ROBO2: variants seen among roughly 807,000 people sequenced by gnomAD.
ROBO2 encodes roundabout homolog 2.
In ROBO2, 53 loss-of-function variants were observed where a neutral mutation model predicts 160.8. That is an observed-to-expected ratio of 0.33 (90% CI 0.26 to 0.41). The LOEUF (loss-of-function observed/expected upper bound fraction) is 0.41. Among genes scored for constraint, ROBO2 ranks in the 10% least tolerant of loss-of-function variants. The pLI is 1.00. For missense variants in ROBO2, 1,577 were observed against 1,722.4 expected (o/e 0.92, Z 1.49); for synonymous variants, 664 against 611.7 (o/e 1.09, Z -1.26).
chr3:76,131,644 C>T (rs527262135), intron 2 of ROBO2, among the ~76,000 whole-genome samples: 49 of 152,056 alleles, frequency 3.2e-4, no homozygotes, highest in Non-Finnish European at 6.5e-4. Context: ...AAAGAGAATA[C>T]AAGCAGAGCA....
chr3:76,686,105 C>A (rs1266999671), intron 2 of ROBO2, among the ~76,000 whole-genome samples: 1 of 152,044 alleles, frequency 6.6e-6, no homozygotes, highest in Non-Finnish European at 1.5e-5. Context: ...AAAGGGCCAT[C>A]CCTTTGATCT....
chr3:77,355,490 T>C (rs1022250074), intron 2 of ROBO2, among the ~76,000 whole-genome samples: 5 of 152,176 alleles, frequency 3.3e-5, no homozygotes, highest in East Asian at 1.9e-4. Flanking sequence ...GAAGAGGTGA[T>C]TGTAGCAGGT....
chr3:77,522,636 C>A, intron 5 of ROBO2, 139 bp from the exon 6 acceptor site: 2 of 805,104 alleles, frequency 2.5e-6, no homozygotes, highest in South Asian at 3.3e-5. Context: ...TAAGTAATTG[C>A]ACTTTGTGGC....
chr3:76,374,850 A>C (rs564883303), intron 2 of ROBO2, among the ~76,000 whole-genome samples: 1 of 151,916 alleles, frequency 6.6e-6, no homozygotes, highest in Non-Finnish European at 1.5e-5. Context: ...GGATAATAAT[A>C]GTTCATTTCT....
chr3:76,731,009 C>CGCTTGTCCTCACCTCCTACTCCCTACCT (rs1560460278), intron 2 of ROBO2, among the ~76,000 whole-genome samples: 2 of 68,144 alleles, frequency 2.9e-5, no homozygotes, highest in Non-Finnish European at 7.7e-5. Flanking sequence ...ACTCCCTACC[C>CGCTTGTCCTCACCTCCTACTCCCTACCT]GCTTTTCCTC....
chr3:76,111,988 A>G (rs926181638), intron 2 of ROBO2, among the ~76,000 whole-genome samples: 1 of 152,100 alleles, frequency 6.6e-6, no homozygotes, highest in Non-Finnish European at 1.5e-5. Flanking sequence ...ATCCTGAGTC[A>G]TTTTGGAAGA....
intron 2 of ROBO2, among the ~76,000 whole-genome samples, chr3:76,838,478 G>T (rs533271183): frequency 4.6e-5 from 7 of 151,982 alleles, no homozygotes; most frequent in Non-Finnish European, 7.4e-5. Context: ...AACAAGTCTC[G>T]CATTGAGGTA....
rs367877057 is a variant in ROBO2, at chr3:76,085,453, T to A, written c.109+147851T>A. Among the ~76,000 whole-genome samples, 4 of 152,256 alleles carry A rather than the reference T, an allele frequency of 2.6e-5. No homozygotes were observed. In the East Asian group the frequency reaches 5.8e-4, roughly 22 times the overall value. ...GCACTGCATATCTTTATCTTTTAAATAGAAGTAAATCTAGCAGGTATTTTT... is the reference window on the plus strand; with the variant it reads ...GCACTGCATATCTTTATCTTTTAAAAAGAAGTAAATCTAGCAGGTATTTTT... On this transcript the variant is annotated intron_variant, in intron 2 of 26. Transcript: ENST00000487694.
intron 2 of ROBO2, among the ~76,000 whole-genome samples, chr3:76,230,959 CG>C (rs1285519486): frequency 4.6e-5 from 7 of 151,988 alleles, no homozygotes. Context: ...ATCTACAGGC[CG>C]GAGAACACCA....
At chr3:77,052,273 A>G (rs989606078) in intron 1 of ROBO2, among the ~76,000 whole-genome samples, 3 of 152,256 alleles carry the variant, frequency 2.0e-5, no homozygotes, top group East Asian at 1.9e-4. Context: ...GTTTTTACCA[A>G]TGATGCTTTC....
intron 2 of ROBO2, among the ~76,000 whole-genome samples, chr3:77,290,912 CAG>C (rs1560445401): frequency 6.8e-5 from 5 of 73,910 alleles, no homozygotes; most frequent in Admixed American, 1.5e-4. Flanking sequence ...TAGATCACCC[CAG>C]ACATAAAGTA....
intron 2 of ROBO2, among the ~76,000 whole-genome samples, chr3:76,803,915 C>T (rs545707431): frequency 6.6e-6 from 1 of 152,254 alleles, no homozygotes; most frequent in African/African-American, 2.4e-5. Context: ...GGAGCTAAGA[C>T]GTGAAGCTAT....
At chr3:77,526,802 A>G (rs1430805727) in intron 6 of ROBO2, among the ~76,000 whole-genome samples, 1 of 151,446 alleles carries the variant, frequency 6.6e-6, no homozygotes, top group Non-Finnish European at 1.5e-5. Context: ...AGAAGAAAAA[A>G]GCTTAACAGT....
rs569976851 is a variant in ROBO2 at position 77,055,210 on chromosome 3, C to A, written c.61+14364C>A. 7.9e-5 allele frequency among the ~76,000 whole-genome samples: 12 copies of A among 152,204 alleles called. No homozygotes were observed. In the East Asian group the frequency reaches 2.3e-3, roughly 29 times the overall value. Reference sequence around the variant, plus strand: ...ACTGCGTCTTCCCACTAACATCAAACCCTTCTGCATCCAGTATTCATCATT... The same window carrying A: ...ACTGCGTCTTCCCACTAACATCAAAACCTTCTGCATCCAGTATTCATCATT... On this transcript the variant is annotated intron_variant, in intron 1 of 25. Transcript: ENST00000461745.
Position 77,563,346 on chromosome 3 carries a change from T to C in ROBO2, c.1682+17T>C. On this transcript the variant is annotated intron_variant, in intron 11 of 25. Coordinates refer to ENST00000461745, the Ensembl canonical transcript of ROBO2. ...GGCTTTCAGGTATGGGACAATTCCT[T>C]CTTTCTCCACTGGGTTTTGTCTTAG... 6.2e-7 allele frequency: 1 copy of C among 1,612,810 alleles called. No homozygotes were observed. The highest frequency in any genetic ancestry group is 8.5e-7 in the Non-Finnish European group (1 of 1,179,046).
chr3:76,389,268 A>AG (rs1374597475), intron 2 of ROBO2, among the ~76,000 whole-genome samples: 1 of 152,238 alleles, frequency 6.6e-6, no homozygotes, highest in Admixed American at 6.5e-5. Context: ...AGCTCCCTTC[A>AG]GGGGATCTTC....
intron 2 of ROBO2, among the ~76,000 whole-genome samples, chr3:77,174,051 T>A (rs959136033): frequency 6.6e-6 from 1 of 152,088 alleles, no homozygotes; most frequent in Non-Finnish European, 1.5e-5. Flanking sequence ...TAAACATAAT[T>A]CTCACCGTTG....
chr3:75,910,834 A>T (rs1230849382), intron 1 of ROBO2, among the ~76,000 whole-genome samples: 1 of 152,108 alleles, frequency 6.6e-6, no homozygotes, highest in Non-Finnish European at 1.5e-5. Context: ...CAAACAGAAG[A>T]TACTGAACAA....
intron 2 of ROBO2, among the ~76,000 whole-genome samples, chr3:76,068,755 C>T (rs2068345873): frequency 6.6e-6 from 1 of 152,076 alleles, no homozygotes; most frequent in Non-Finnish European, 1.5e-5. Flanking sequence ...AAGATTCCAC[C>T]CCAATCTGCC....
Sources: allele counts gnomAD v4.1 joint callset (sites outside exome capture counted in the v4.1 genomes callset), GRCh38; gene constraint gnomAD v4.1.1; transcripts MANE v1.5; gene names NCBI Gene and HGNC (gene_info 2026-07-23, HGNC 2026-07-21).